VOPP1: variants seen among roughly 807,000 people sequenced by gnomAD.
VOPP1 encodes the protein VOPP1 WW domain binding protein.
A neutral mutation model predicts 23.5 loss-of-function variants in VOPP1; 8 were observed. That is an observed-to-expected ratio of 0.34 (90% CI 0.20 to 0.61). The LOEUF is 0.61. Ranked by LOEUF, VOPP1 falls within the 20% of genes least tolerant of loss-of-function variation. VOPP1 has a pLI of 0.78. For missense variants in VOPP1, 174 were observed against 238.1 expected (o/e 0.73, Z 1.77); for synonymous variants, 83 against 97.3 (o/e 0.85, Z 0.86).
chr7:55,558,036 G>A (rs888763008), intron 1 of VOPP1, among the ~76,000 whole-genome samples: 6 of 152,182 alleles, frequency 3.9e-5, no homozygotes, highest in African/African-American at 1.4e-4. Context: ...AACAGAGGGT[G>A]GAATGGCGTT....
intron 4 of VOPP1, among the ~76,000 whole-genome samples, chr7:55,488,235 T>C (rs1793291294): frequency 6.6e-6 from 1 of 152,192 alleles, no homozygotes. Context: ...CATTTTGCAG[T>C]TAAGGTGCTG....
chr7:55,520,801 C>T (rs1449075844), intron 2 of VOPP1, among the ~76,000 whole-genome samples: 1 of 152,242 alleles, frequency 6.6e-6, no homozygotes, highest in African/African-American at 2.4e-5. Flanking sequence ...CTTCCACAGA[C>T]ATCTCGCCCC....
At chr7:55,479,949 T>C (rs567081044) in intron 4 of VOPP1, among the ~76,000 whole-genome samples, 8 of 152,326 alleles carry the variant, frequency 5.3e-5, no homozygotes, top group Admixed American at 2.0e-4. Flanking sequence ...GAGACAATCA[T>C]TGCTTTCTGA....
At chr7:55,487,030 A>T (rs1412684920) in intron 4 of VOPP1, among the ~76,000 whole-genome samples, 1 of 152,196 alleles carries the variant, frequency 6.6e-6, no homozygotes, top group Non-Finnish European at 1.5e-5. Context: ...CGCACGTCAG[A>T]AGCACCGTCA....
intron 1 of VOPP1, among the ~76,000 whole-genome samples, chr7:55,539,319 T>C (rs1361059127): frequency 1.3e-5 from 2 of 152,190 alleles, no homozygotes; most frequent in Non-Finnish European, 2.9e-5. Flanking sequence ...CACTCCAGCC[T>C]GGGCGACATG....
chr7:55,478,952 G>A (rs1239539060), intron 4 of VOPP1, among the ~76,000 whole-genome samples: 1 of 152,154 alleles, frequency 6.6e-6, no homozygotes, highest in East Asian at 1.9e-4. Context: ...AGGGGGAAGA[G>A]CTGAGGGGGG....
At chr7:55,535,385 G>A (rs143930077) in intron 1 of VOPP1, among the ~76,000 whole-genome samples, 1 of 152,184 alleles carries the variant, frequency 6.6e-6, no homozygotes, top group African/African-American at 2.4e-5. Context: ...GAGCTCAGAG[G>A]GCACTGGGGC....
chr7:55,556,782 G>C (rs895037450), intron 1 of VOPP1, among the ~76,000 whole-genome samples: 1 of 152,108 alleles, frequency 6.6e-6, no homozygotes, highest in Admixed American at 6.5e-5. Flanking sequence ...AACCATGTCA[G>C]GGTCAAAAGC....
chr7:55,526,305 T>A (rs963921165), intron 1 of VOPP1, among the ~76,000 whole-genome samples: 39 of 152,226 alleles, frequency 2.6e-4, no homozygotes, highest in African/African-American at 8.9e-4. Flanking sequence ...GACTAGGGTA[T>A]CTATATATGT....
chr7:55,523,380 A>AT (rs961051146), intron 1 of VOPP1, among the ~76,000 whole-genome samples: 42 of 151,176 alleles, frequency 2.8e-4, no homozygotes, highest in South Asian at 6.3e-4. Flanking sequence ...ATACCAATAC[A>AT]TTTTTTTTTC....
At chr7:55,492,031 C>G (rs1002911955) in intron 4 of VOPP1, among the ~76,000 whole-genome samples, 2 of 152,142 alleles carry the variant, frequency 1.3e-5, no homozygotes, top group Non-Finnish European at 2.9e-5. Flanking sequence ...TACGCTTATA[C>G]AAACTGCATC....
chr7:55,505,385 GA>G (rs1166571673), intron 2 of VOPP1, among the ~76,000 whole-genome samples: 1 of 152,220 alleles, frequency 6.6e-6, no homozygotes, highest in East Asian at 1.9e-4. Flanking sequence ...CAAAGGGAAA[GA>G]AAGAAGGTTG....
intron 4 of VOPP1, among the ~76,000 whole-genome samples, chr7:55,450,589 TATC>T (rs1452338784): frequency 5.3e-5 from 8 of 152,240 alleles, no homozygotes; most frequent in African/African-American, 1.9e-4. Context: ...TTAGGCTGAA[TATC>T]ATTAAAATAA....
At chr7:55,543,660 T>C (rs1389363114) in intron 1 of VOPP1, among the ~76,000 whole-genome samples, 1 of 152,134 alleles carries the variant, frequency 6.6e-6, no homozygotes, top group Non-Finnish European at 1.5e-5. Context: ...TGATTAGCGG[T>C]GTTGAGTATT....
intron 4 of VOPP1, among the ~76,000 whole-genome samples, chr7:55,442,944 G>A (rs1008261421): frequency 3.4e-4 from 51 of 151,428 alleles, no homozygotes; most frequent in African/African-American, 1.1e-3. Context: ...GTGAAACCCC[G>A]TCTCTACTAA....
At chr7:55,490,272 G>C (rs145928301) in intron 4 of VOPP1, among the ~76,000 whole-genome samples, 295 of 152,294 alleles carry the variant, frequency 1.9e-3, no homozygotes, top group African/African-American at 6.7e-3. Flanking sequence ...GCTCCAGGGT[G>C]AGATAAGGGA....
In VOPP1 at chr7:55,537,642, C is replaced by G. The variant is rs983051921; in HGVS notation, c.55-16512G>C. ...ATACGGAGCACACATAAATAAAGCT[C>G]TGGCGCCCGCAGACCCTGCAGTATC... On this transcript the variant is annotated intron_variant, in intron 1 of 4. Coordinates refer to ENST00000285279, the MANE Select transcript of VOPP1 (RefSeq NM_030796.5). 3.3e-6 allele frequency: 5 copies of G among 1,521,910 alleles called. No individual in the cohort carries two copies. In the African/African-American group the frequency reaches 5.5e-5, roughly 17 times the overall value. The allele number at this position is 1,521,910 out of a possible 1,614,324, so 94.3% of individuals were successfully genotyped here.
chr7:55,468,218 C>G (rs969197162), downstream of VOPP1, among the ~76,000 whole-genome samples: 3 of 146,676 alleles, frequency 2.0e-5, no homozygotes, highest in Non-Finnish European at 4.5e-5. Context: ...TGGAAGTGAG[C>G]TGAGATTGCA....
rs971506865 is a variant in VOPP1 at position 55,497,537 on chromosome 7, G to C, written c.191+76C>G. 6 of 1,272,106 alleles carry C rather than the reference G, an allele frequency of 4.7e-6. No homozygotes were observed. In the African/African-American group the frequency reaches 9.5e-5, roughly 20 times the overall value. The allele number at this position is 1,272,106 out of a possible 1,614,324, so 78.8% of individuals were successfully genotyped here. ...ACCCAAGTGAAGGTGTCGCATCCAA[G>C]GCTGTGACAACACTGATGGGGGGGG... On this transcript the variant is annotated intron_variant, in intron 3 of 4. Coordinates refer to ENST00000285279, the MANE Select transcript of VOPP1 (RefSeq NM_030796.5).
Sources: allele counts gnomAD v4.1 joint callset (sites outside exome capture counted in the v4.1 genomes callset), GRCh38; gene constraint gnomAD v4.1.1; transcripts MANE v1.5; gene names NCBI Gene and HGNC (gene_info 2026-07-23, HGNC 2026-07-21).